Variants in SPTBN2 observed in about 807,000 individuals in gnomAD.
SPTBN2 encodes the protein spectrin beta chain, non-erythrocytic 2.
In SPTBN2, 107 loss-of-function variants were observed where a neutral mutation model predicts 284.2. The ratio of observed to expected loss-of-function variants is 0.38; its 90% CI spans 0.32 to 0.44. The LOEUF (loss-of-function observed/expected upper bound fraction) is 0.44. SPTBN2 is among the 20% of genes least tolerant of loss of function. SPTBN2 has a pLI of 1.00. For missense variants in SPTBN2, 2,569 were observed against 3,287.1 expected (o/e 0.78, Z 5.34); for synonymous variants, 1,289 against 1,354.8 (o/e 0.95, Z 1.07).
rs766864548 is a variant in SPTBN2 at position 66,692,951 on chromosome 11, G to A, written c.4985+19C>T. The A allele has an allele frequency of 1.2e-5, 20 of 1,600,902 alleles. No homozygotes were observed. The highest frequency in any genetic ancestry group is 1.1e-4 in the East Asian group (5 of 44,890). On this transcript the variant is annotated intron_variant, in intron 25 of 37. Transcript: ENST00000533211. ...GCCGGCTCCACCCCCAGGCTGGGCC[G>A]GGCTGCCGCTGCACCCACCTCTCTG...
rs1940050216 is a variant in SPTBN2, at chr11:66,685,540, G to GC, written c.*330dup. The GC allele has an allele frequency of 2.8e-6, 1 of 358,884 alleles. No individual in the cohort carries two copies. The highest frequency in any genetic ancestry group is 4.1e-5 in the Admixed American group (1 of 24,462). The allele number at this position is 358,884 out of a possible 1,614,324, so 22.2% of individuals were successfully genotyped here. On this transcript the variant is annotated 3_prime_UTR_variant, in exon 38 of 38. Coordinates refer to ENST00000533211, the MANE Select transcript of SPTBN2 (RefSeq NM_006946.4). The surrounding 1 kb of genome is among the most constrained non-coding windows in gnomAD (Gnocchi z 4.4). The stretch of plus-strand genomic sequence containing the variant: ...GGAGAATGACCCTGAGGCAGGGGCA[G>GC]CCACTCCCCACATGGCCTATGTTGA...
chr11:66,719,647 T>C (rs1439678632), intron 3 of SPTBN2, among the ~76,000 whole-genome samples: 1 of 152,102 alleles, frequency 6.6e-6, no homozygotes, highest in Admixed American at 6.5e-5. Context: ...ATGTGTCCTA[T>C]GTACACAGGC....
Position 66,715,416 on chromosome 11 carries a change from A to C in SPTBN2, c.310-21T>G. 6.2e-7 allele frequency: 1 copy of C among 1,602,874 alleles called. No individual in the cohort carries two copies. Among genetic ancestry groups the C allele is most frequent in the South Asian group, 1.1e-5 (1 of 89,940 alleles). The stretch of plus-strand genomic sequence containing the variant: ...TTTGGCTGTGGAGGGACGGGGGCAA[A>C]ATGGCACGGGACTGTGGGCTTCCAC... On this transcript the variant is annotated intron_variant, in intron 4 of 37. Transcript: ENST00000533211. The surrounding 1 kb of genome is among the most constrained non-coding windows in gnomAD (Gnocchi z 5.3).
intron 1 of SPTBN2, among the ~76,000 whole-genome samples, chr11:66,738,765 C>T (rs547908066): frequency 1.3e-4 from 20 of 152,168 alleles, no homozygotes; most frequent in South Asian, 4.2e-4. Flanking sequence ...CTGCCTGCCT[C>T]GGCCTCCCAA....
chr11:66,718,256 G>A lies in SPTBN2; in HGVS notation c.158-2275C>T, dbSNP rs1041940523. Among the ~76,000 whole-genome samples the A allele has an allele frequency of 1.3e-5, 2 of 152,182 alleles. No homozygotes were observed. The highest frequency in any genetic ancestry group is 4.8e-5 in the African/African-American group (2 of 41,450). On this transcript the variant is annotated intron_variant, in intron 3 of 37. Coordinates refer to ENST00000533211, the MANE Select transcript of SPTBN2 (RefSeq NM_006946.4). The surrounding 1 kb of genome is among the most constrained non-coding windows in gnomAD (Gnocchi z 4.8). ...GCAGGTCCAAGCCTTTCCCCATTCC[G>A]TTGACATCTGTGTATTTTCCGGCCT...
At position 66,713,708 on chromosome 11, in the gene SPTBN2, T is replaced by C. The variant is rs879014329; in HGVS notation, c.695A>G (p.Asn232Ser). ...TGCATTCTGCAGATTATAGTGTGCA[T>C]TACACTTCTTCAGAGACTCAAAATC... ...LLDFESLKKCNAHYNLQNAFN... is the reference protein window; with the variant it reads ...LLDFESLKKCSAHYNLQNAFN... Residue 232 changes from asparagine to serine, a missense_variant, in exon 8 of 38, where the codon AAT becomes AGT. Physicochemically the swap from Asn to Ser is conservative, Grantham distance 46. Around this residue, in one of 6 missense-constraint regions of SPTBN2, gnomAD observed 304 missense variants for 522.1 expected, o/e 0.58. Transcript: ENST00000533211. The C allele has an allele frequency of 3.7e-6, 6 of 1,614,130 alleles. No homozygotes were observed. The South Asian group carries it at 6.6e-5, about 18-fold the overall frequency.
At chr11:66,742,289 T>C (rs1205154414) in intron 1 of SPTBN2, among the ~76,000 whole-genome samples, 1 of 152,186 alleles carries the variant, frequency 6.6e-6, no homozygotes, top group African/African-American at 2.4e-5. Context: ...CTATATTGCA[T>C]GCTGCCTGAA....
At position 66,683,277 on chromosome 11, in the gene SPTBN2, G is replaced by A. The variant is rs941552589; in HGVS notation, c.*2594C>T. On this transcript the variant is annotated 3_prime_UTR_variant, in exon 38 of 38. Transcript: ENST00000533211. ...GAGACGGGGTTTCACCGTTTTAGCCGGGATGGTCTCGATCTCCTGACCTCG... is the reference window on the plus strand; with the variant it reads ...GAGACGGGGTTTCACCGTTTTAGCCAGGATGGTCTCGATCTCCTGACCTCG... 2.6e-5 allele frequency among the ~76,000 whole-genome samples: 4 copies of A among 151,482 alleles called. No individual in the cohort carries two copies. The highest frequency in any genetic ancestry group is 2.1e-4 in the South Asian group (1 of 4,792).
intron 3 of SPTBN2, among the ~76,000 whole-genome samples, chr11:66,720,169 C>A (rs992107291): frequency 6.6e-6 from 1 of 152,174 alleles, no homozygotes; most frequent in African/African-American, 2.4e-5. Flanking sequence ...TGGGAACCTC[C>A]CCCTTGGAGT....
At chr11:66,698,581 G>A (rs1191204772) in intron 20 of SPTBN2, 58 bp downstream of exon 20, 1 of 1,611,812 alleles carries the variant, frequency 6.2e-7, no homozygotes, top group Non-Finnish European at 8.5e-7. Context: ...CTGGAGCCAG[G>A]CCCTCCCCCG....
rs796791174 is a variant in SPTBN2 at position 66,703,977 on chromosome 11, T to C, written c.2678+621A>G. Reference sequence around the variant, plus strand: ...TGCTTCCTCGTATTTCTTTTCTTTTTTTTTTTTTTTTTTTTGAGACAGTCT... The same window carrying C: ...TGCTTCCTCGTATTTCTTTTCTTTTCTTTTTTTTTTTTTTTGAGACAGTCT... On this transcript the variant is annotated intron_variant, in intron 15 of 37. Coordinates refer to ENST00000533211, the MANE Select transcript of SPTBN2 (RefSeq NM_006946.4). Among the ~76,000 whole-genome samples, 856 of 145,042 alleles carry C rather than the reference T, an allele frequency of 5.9e-3. 9 individuals are homozygous for C. Among genetic ancestry groups the C allele is most frequent in the African/African-American group, 0.02 (791 of 39,570 alleles).
At position 66,691,514 on chromosome 11, in the gene SPTBN2, G is replaced by A; in HGVS notation, c.5335C>T (p.Leu1779Phe). ...AGCAGGTCAGCCCAGGCCTCGTTGA[G>A]ACTGTCCTTCCACTCGGCCACGGTG... ...RATVAEWKDS[L>F]NEAWADLLEL... Residue 1779 changes from leucine (L) to phenylalanine (F), a missense_variant, in exon 27 of 38, where the codon CTC (leucine) becomes TTC (phenylalanine). Leu to Phe is a conservative substitution (Grantham distance 22). Transcript: ENST00000533211. The surrounding 1 kb of genome is among the most constrained non-coding windows in gnomAD (Gnocchi z 8.0). 6.2e-7 allele frequency: 1 copy of A among 1,612,602 alleles called. No homozygotes were observed. The highest frequency in any genetic ancestry group is 8.5e-7 in the Non-Finnish European group (1 of 1,180,032).
chr11:66,703,736 CA>C (rs920100846), intron 15 of SPTBN2, among the ~76,000 whole-genome samples: 13 of 140,692 alleles, frequency 9.2e-5, no homozygotes, highest in African/African-American at 1.6e-4. Flanking sequence ...GACTCCATCT[CA>C]AAAAAAAAAG....
Position 66,684,807 on chromosome 11 carries a change from C to T in SPTBN2, c.*1064G>A, listed in dbSNP as rs184054215. ...GTCCCTTGATCTACTGGAGAGCAGA[C>T]GGCAAGTGGGGGCAGTAAGCACCCG... On this transcript the variant is annotated 3_prime_UTR_variant, in exon 38 of 38. Transcript: ENST00000533211. Among the ~76,000 whole-genome samples, 718 of 152,208 alleles carry T rather than the reference C, an allele frequency of 4.7e-3. 4 individuals carry two copies. Among genetic ancestry groups the T allele is most frequent in the Non-Finnish European group, 8.0e-3 (544 of 68,016 alleles).
chr11:66,705,471 G>A lies in SPTBN2; in HGVS notation c.1808-3C>T. 3.7e-6 allele frequency: 6 copies of A among 1,613,006 alleles called. No individual in the cohort carries two copies. The highest frequency in any genetic ancestry group is 5.1e-6 in the Non-Finnish European group (6 of 1,180,020). Reference sequence around the variant, plus strand: ...CTGCGGGTCGCAAGGTCTATACTCTGAGAAAGTCACAGGAGAGGGTCAGAG... The same window carrying A: ...CTGCGGGTCGCAAGGTCTATACTCTAAGAAAGTCACAGGAGAGGGTCAGAG... On this transcript the variant is annotated splice_region_variant and splice_polypyrimidine_tract_variant and intron_variant, in intron 14 of 37. Coordinates refer to ENST00000533211, the MANE Select transcript of SPTBN2 (RefSeq NM_006946.4).
intron 37 of SPTBN2, 123 bp downstream of exon 37, chr11:66,686,275 A>C: frequency 3.4e-6 from 5 of 1,452,672 alleles, no homozygotes; most frequent in Non-Finnish European, 4.8e-6. Context: ...GCCGTCGCAC[A>C]CATCCAGTCT....
Position 66,707,927 on chromosome 11 carries a change from G to C in SPTBN2, c.1351-109C>G, listed in dbSNP as rs1425733478. ...TGCAAGATCCCAGCTCCATGCGGTG[G>C]CTCTAAGTTCCCTCTCTATCCCACC... On this transcript the variant is annotated intron_variant, in intron 12 of 37. Transcript: ENST00000533211. This position sits in a 1 kb window ranked among gnomAD's most constrained non-coding sequence, Gnocchi z 4.9. 3 of 1,456,840 alleles carry C rather than the reference G, an allele frequency of 2.1e-6. No individual in the cohort carries two copies. The highest frequency in any genetic ancestry group is 2.8e-5 in the African/African-American group (2 of 71,544). The allele number at this position is 1,456,840 out of a possible 1,614,324, so 90.2% of individuals were successfully genotyped here. A position where few individuals can be genotyped will look rare whatever the true frequency, so the allele number is the denominator to read the frequency against.
intron 21 of SPTBN2, among the ~76,000 whole-genome samples, chr11:66,695,500 TC>T (rs1006831625): frequency 2.0e-5 from 3 of 152,140 alleles, no homozygotes; most frequent in African/African-American, 7.2e-5. Flanking sequence ...ACTCAAGTGA[TC>T]CGGCCACCTC....
In SPTBN2 at chr11:66,699,068, T is replaced by C. The variant is rs1219372749; in HGVS notation, c.3791A>G (p.Gln1264Arg). The C allele has an allele frequency of 6.2e-7, 1 of 1,614,232 alleles. No homozygotes were observed. Among genetic ancestry groups the C allele is most frequent in the Non-Finnish European group, 8.5e-7 (1 of 1,180,048 alleles). The change falls in exon 19 of 38, where the codon CAA becomes CGA. Residue 1264 changes from glutamine (Q) to arginine (R), a missense_variant. Gln to Arg is a conservative substitution (Grantham distance 43, BLOSUM62 1). This residue lies in a region of SPTBN2 where 1,012 missense variants were observed against 1,248.9 expected (regional missense o/e 0.81). Transcript: ENST00000533211. ...DSIERRHKKN[Q>R]DAAQQFLGRL... ...GCCCAGAAATTGCTGCGCTGCGTCT[T>C]GATTCTTCTTGTGCCTGGAACGACA... is the stretch of plus-strand genomic sequence containing the variant.
Sources: allele counts gnomAD v4.1 joint callset (sites outside exome capture counted in the v4.1 genomes callset), GRCh38; gene constraint gnomAD v4.1.1; regional missense constraint gnomAD v4.1.1; non-coding constraint Gnocchi (gnomAD v3.1); transcripts MANE v1.5; gene names NCBI Gene and HGNC (gene_info 2026-07-23, HGNC 2026-07-21).